NCKAP5: variants seen among roughly 807,000 people sequenced by gnomAD.
NCKAP5 encodes the protein nck-associated protein 5.
A neutral mutation model predicts 167.0 loss-of-function variants in NCKAP5; 92 were observed. The observed-to-expected ratio is 0.55, with a 90% CI of 0.47 to 0.66. The LOEUF is 0.66. Ranked by LOEUF, NCKAP5 falls within the 30% of genes least tolerant of loss-of-function variation. The pLI is 0.00. For missense variants in NCKAP5, 2,378 were observed against 2,315.0 expected, an observed-to-expected ratio of 1.03 and a Z score of -0.56; for synonymous variants, 891 against 877.4, an observed-to-expected ratio of 1.02 and a Z score of -0.27.
chr2:133,118,927 G>T (rs2082167208), intron 6 of NCKAP5: 1 of 152,054 alleles, frequency 6.6e-6, no homozygotes, highest in Non-Finnish European at 1.5e-5. Flanking sequence ...CATAAAAGAG[G>T]CACTAATGAC....
rs1457909280 is a variant in NCKAP5 at position 133,444,399 on chromosome 2, GATAGATAGAT to G, written c.69+73049_69+73058del. 5.9e-3 allele frequency among the ~76,000 whole-genome samples: 683 copies of G among 115,220 alleles called. 6 individuals are homozygous for G. Among genetic ancestry groups the G allele is most frequent in the African/African-American group, 0.025 (665 of 26,932 alleles). 75.6% of individuals were successfully genotyped at this position (115,220 alleles called of 152,430 possible). On this transcript the variant is annotated intron_variant, in intron 3 of 19. Coordinates refer to ENST00000409261, the MANE Select transcript of NCKAP5 (RefSeq NM_207363.3). Reference sequence around the variant, plus strand: ...AGATAGATAGATAGATAGATAGATAGATAGATAGATATAGATATAGATGTAGATATTTAAA... The same window carrying G: ...AGATAGATAGATAGATAGATAGATAGATAGATATAGATGTAGATATTTAAA...
chr2:132,693,958 A>G (rs1231319932), intron 19 of NCKAP5, among the ~76,000 whole-genome samples: 1 of 151,998 alleles, frequency 6.6e-6, no homozygotes, highest in African/African-American at 2.4e-5. Flanking sequence ...CGTTTATGGC[A>G]GCTCCTGGGA....
At chr2:133,574,607 T>C in the NCKAP5 span, among the ~76,000 whole-genome samples, 2 of 142,830 alleles carry the variant, frequency 1.4e-5, no homozygotes, top group Non-Finnish European at 3.2e-5. Flanking sequence ...TCTTTCCTTT[T>C]TTTTTTTTTT....
At chr2:133,275,932 A>G (rs2089708165) in intron 4 of NCKAP5, among the ~76,000 whole-genome samples, 1 of 151,908 alleles carries the variant, frequency 6.6e-6, no homozygotes, top group African/African-American at 2.4e-5. Context: ...CTACTTATAC[A>G]CAGATTTTTT....
At chr2:133,137,294 G>T (rs1001133087) in intron 5 of NCKAP5, among the ~76,000 whole-genome samples, 3 of 152,076 alleles carry the variant, frequency 2.0e-5, no homozygotes, top group African/African-American at 4.8e-5. Flanking sequence ...ATCAGAATCA[G>T]ATTTTGAGAT....
rs186002544 is a variant in NCKAP5, at chr2:133,489,165, T to G, written c.69+28293A>C. ...AATCTCATAGGAAGATAAGATGTTT[T>G]ATTTGGTTCTTCTGCATTTGAACTG... is the stretch of plus-strand genomic sequence containing the variant. On this transcript the variant is annotated intron_variant, in intron 3 of 19. Coordinates refer to ENST00000409261, the MANE Select transcript of NCKAP5 (RefSeq NM_207363.3). Among the ~76,000 whole-genome samples, 469 of 147,624 alleles carry G rather than the reference T, an allele frequency of 3.2e-3. 5 individuals are homozygous for G. Among genetic ancestry groups the G allele is most frequent in the Middle Eastern group, 0.011 (3 of 264 alleles).
At chr2:133,504,339 A>T (rs1575072662) in intron 3 of NCKAP5, among the ~76,000 whole-genome samples, 1 of 20,604 alleles carries the variant, frequency 4.9e-5, no homozygotes, top group East Asian at 3.5e-3. Context: ...TGACTTGGAC[A>T]AACTGATTCC....
intron 6 of NCKAP5, among the ~76,000 whole-genome samples, chr2:133,087,449 C>G (rs997634128): frequency 6.6e-5 from 10 of 152,184 alleles, no homozygotes; most frequent in African/African-American, 2.4e-4. Flanking sequence ...TATCAGTGTT[C>G]TCCATATTCG....
At chr2:132,960,194 G>A (rs1426557051) in intron 8 of NCKAP5, among the ~76,000 whole-genome samples, 6 of 152,170 alleles carry the variant, frequency 3.9e-5, no homozygotes, top group Non-Finnish European at 7.3e-5. Context: ...CCCTGGAGGC[G>A]TTTTTAGGAA....
chr2:133,198,501 G>A (rs1259187052), intron 5 of NCKAP5, among the ~76,000 whole-genome samples: 1 of 152,024 alleles, frequency 6.6e-6, no homozygotes, highest in Non-Finnish European at 1.5e-5. Context: ...AGTTCTGAAA[G>A]GAAGAAACTA....
At chr2:133,223,306 G>T (rs1269210566) in intron 4 of NCKAP5, among the ~76,000 whole-genome samples, 1 of 152,032 alleles carries the variant, frequency 6.6e-6, no homozygotes, top group Non-Finnish European at 1.5e-5. Context: ...TGGATCCCAA[G>T]AATAAGAGCC....
the NCKAP5 span, among the ~76,000 whole-genome samples, chr2:133,578,089 A>G: frequency 6.6e-6 from 1 of 152,236 alleles, no homozygotes; most frequent in Admixed American, 6.5e-5. Context: ...AATCTAAAGG[A>G]AACAATGTGC....
intron 6 of NCKAP5, among the ~76,000 whole-genome samples, chr2:133,009,126 C>T (rs565497452): frequency 6.6e-6 from 1 of 152,190 alleles, no homozygotes; most frequent in East Asian, 1.9e-4. Context: ...TACTTGAGAC[C>T]TAGTAAATCC....
chr2:133,514,651 C>T (rs1683829255), intron 3 of NCKAP5, among the ~76,000 whole-genome samples: 1 of 151,982 alleles, frequency 6.6e-6, no homozygotes, highest in Non-Finnish European at 1.5e-5. Flanking sequence ...GGCCCCCTAA[C>T]TCTCAAAAAT....
intron 4 of NCKAP5, among the ~76,000 whole-genome samples, chr2:133,264,061 A>G (rs1057112721): frequency 6.6e-6 from 1 of 152,220 alleles, no homozygotes. Flanking sequence ...CTCCACCTCC[A>G]GCAGTTCACC....
At chr2:133,377,712 G>A (rs904488363) in intron 3 of NCKAP5, among the ~76,000 whole-genome samples, 2 of 152,182 alleles carry the variant, frequency 1.3e-5, no homozygotes, top group Non-Finnish European at 2.9e-5. Flanking sequence ...AAAGCAGTGT[G>A]ACATTTAGAA....
At chr2:133,088,897 G>C (rs939785048) in intron 6 of NCKAP5, among the ~76,000 whole-genome samples, 3 of 152,012 alleles carry the variant, frequency 2.0e-5, no homozygotes, top group Non-Finnish European at 2.9e-5. Context: ...TCCATACAAG[G>C]CGTACAAGAA....
intron 8 of NCKAP5, among the ~76,000 whole-genome samples, chr2:132,944,024 T>A (rs1697503505): frequency 6.6e-6 from 1 of 152,184 alleles, no homozygotes; most frequent in Non-Finnish European, 1.5e-5. Context: ...TTGAGTTGTG[T>A]TTGGCCAGAT....
intron 5 of NCKAP5, among the ~76,000 whole-genome samples, chr2:133,140,073 CT>C (rs1048666136): frequency 2.0e-5 from 3 of 151,910 alleles, no homozygotes; most frequent in Admixed American, 6.6e-5. Flanking sequence ...ATGACTCATT[CT>C]TCTCCCCTGG....
Sources: gnomAD v4.1 joint callset for allele counts (sites outside exome capture counted in the v4.1 genomes callset) on GRCh38, gnomAD v4.1.1 for gene constraint, MANE v1.5 for transcripts, NCBI Gene and HGNC (gene_info 2026-07-23, HGNC 2026-07-21) for gene names.